CHD6: variants seen among roughly 807,000 people sequenced by gnomAD.
CHD6 encodes ATP-dependent chromatin remodeler CHD6.
CHD6 carries 50 observed loss-of-function variants against 276.9 expected under a neutral mutation model. The observed-to-expected ratio is 0.18, with a 90% CI of 0.14 to 0.23. The LOEUF (loss-of-function observed/expected upper bound fraction) is 0.23. Ranked by LOEUF, CHD6 falls within the 10% of genes least tolerant of loss-of-function variation. CHD6 has a pLI of 1.00. For missense variants in CHD6, 2,564 were observed against 3,365.8 expected (o/e 0.76, Z 5.89); for synonymous variants, 1,173 against 1,229.3 (o/e 0.95, Z 0.96).
At chr20:41,617,231 C>G (rs2045941811) in intron 1 of CHD6, among the ~76,000 whole-genome samples, 2 of 152,080 alleles carry the variant, frequency 1.3e-5, no homozygotes, top group Admixed American at 1.3e-4. Flanking sequence ...TCACCAGAAA[C>G]CTTGGCCAGA....
chr20:41,594,302 G>A (rs1472896552), intron 1 of CHD6, among the ~76,000 whole-genome samples: 2 of 152,200 alleles, frequency 1.3e-5, no homozygotes, highest in African/African-American at 4.8e-5. Context: ...TAAGATGGAA[G>A]TCAAACTTAT....
chr20:41,617,790 G>A (rs1186102767), intron 1 of CHD6, among the ~76,000 whole-genome samples: 7 of 150,208 alleles, frequency 4.7e-5, no homozygotes, highest in Admixed American at 4.7e-4. Context: ...GCCCCCTCCC[G>A]GAACAGCAGC....
At chr20:41,582,208 T>G (rs896789826) in intron 1 of CHD6, among the ~76,000 whole-genome samples, 1 of 152,136 alleles carries the variant, frequency 6.6e-6, no homozygotes, top group Non-Finnish European at 1.5e-5. Context: ...AAACACTACC[T>G]GCTTTTAAGA....
intron 3 of CHD6, among the ~76,000 whole-genome samples, chr20:41,515,227 G>A (rs527799739): frequency 1.3e-5 from 2 of 152,116 alleles, no homozygotes; most frequent in Admixed American, 1.3e-4. Context: ...TTCACTTTCA[G>A]TTTATACAAA....
chr20:41,493,209 A>G (rs939857413), intron 10 of CHD6, among the ~76,000 whole-genome samples: 2 of 152,214 alleles, frequency 1.3e-5, no homozygotes, highest in Admixed American at 6.5e-5. Context: ...CAGGAAAGAT[A>G]CTACTGAGCT....
chr20:41,501,250 TA>T (rs1293709750), intron 5 of CHD6, among the ~76,000 whole-genome samples: 3 of 152,232 alleles, frequency 2.0e-5, no homozygotes, highest in African/African-American at 7.2e-5. Context: ...TCAGGCATGC[TA>T]ACAAAATGCT....
chr20:41,492,238 T>C (rs1216519697), intron 10 of CHD6, among the ~76,000 whole-genome samples: 1 of 152,216 alleles, frequency 6.6e-6, no homozygotes, highest in Non-Finnish European at 1.5e-5. Flanking sequence ...AAATGCTTAA[T>C]AGATGACTGA....
At chr20:41,458,244 T>A (rs952096715) in intron 17 of CHD6, among the ~76,000 whole-genome samples, 3 of 152,236 alleles carry the variant, frequency 2.0e-5, no homozygotes, top group African/African-American at 7.2e-5. Flanking sequence ...ACAGTTCATA[T>A]AGGAGGGACA....
At chr20:41,437,384 CCA>C (rs1161942368) in intron 26 of CHD6, 50 bp from the exon 27 acceptor site, 2 of 1,376,878 alleles carry the variant, frequency 1.5e-6, no homozygotes, top group South Asian at 1.2e-5. Context: ...TCCCCCTTAT[CCA>C]CAGTTTCAGT....
intron 1 of CHD6, among the ~76,000 whole-genome samples, chr20:41,600,099 T>G (rs544660911): frequency 6.6e-6 from 1 of 152,236 alleles, no homozygotes. Flanking sequence ...CGAGCACTTG[T>G]CTGTAACATT....
chr20:41,488,863 G>A (rs896177463), intron 12 of CHD6, among the ~76,000 whole-genome samples: 14 of 152,236 alleles, frequency 9.2e-5, no homozygotes, highest in African/African-American at 3.4e-4. Context: ...GGAAGGCACA[G>A]CAAGGGAGCA....
At chr20:41,544,634 CAT>C (rs992438615) in intron 2 of CHD6, among the ~76,000 whole-genome samples, 4 of 150,478 alleles carry the variant, frequency 2.7e-5, no homozygotes, top group East Asian at 1.9e-4. Context: ...TTAATATTAA[CAT>C]ATAATTAATC....
chr20:41,606,821 G>A (rs1297650871), intron 1 of CHD6, among the ~76,000 whole-genome samples: 3 of 152,120 alleles, frequency 2.0e-5, no homozygotes, highest in Non-Finnish European at 4.4e-5. Context: ...CAATATCTGG[G>A]CCTCTCCTTC....
At chr20:41,477,110 A>G (rs1347351140) in intron 16 of CHD6, among the ~76,000 whole-genome samples, 2 of 152,144 alleles carry the variant, frequency 1.3e-5, no homozygotes, top group Non-Finnish European at 2.9e-5. Flanking sequence ...ATGGTGGCCA[A>G]TGTGCCTATC....
At chr20:41,454,469 G>A (rs1332311535) in intron 20 of CHD6, among the ~76,000 whole-genome samples, 157 bp downstream of exon 20, 1 of 152,176 alleles carries the variant, frequency 6.6e-6, no homozygotes, top group African/African-American at 2.4e-5. Flanking sequence ...AAGATTTATT[G>A]AGTGATGTCT....
Position 41,483,368 on chromosome 20 carries a change from G to A in CHD6, c.2409C>T (p.Leu803=). The part of the protein sequence containing the change: ...PKLIAGGHKV[L]IFSQMVRCLD... ...GGCAGCGCACCATCTGGGAGAAGATGAGTACTTTGTGGCCACCTGCAATCA... is the reference window on the plus strand; with the variant it reads ...GGCAGCGCACCATCTGGGAGAAGATAAGTACTTTGTGGCCACCTGCAATCA... Residue 803 remains leucine (L), a synonymous_variant, in exon 16 of 37, where the codon CTC becomes CTT. Transcript: ENST00000373233. 6.2e-7 allele frequency: 1 copy of A among 1,613,830 alleles called. No homozygotes were observed. Among genetic ancestry groups the A allele is most frequent in the Non-Finnish European group, 8.5e-7 (1 of 1,179,832 alleles).
chr20:41,495,286 A>G (rs1490561035), intron 8 of CHD6, among the ~76,000 whole-genome samples: 1 of 152,250 alleles, frequency 6.6e-6, no homozygotes, highest in African/African-American at 2.4e-5. Flanking sequence ...TTTAAAAAAG[A>G]AAGAAATCCC....
chr20:41,498,815 G>GTA lies in CHD6; in HGVS notation c.915+479_915+480insTA, dbSNP rs1568647110. 2.6e-4 allele frequency among the ~76,000 whole-genome samples: 18 copies of GTA among 70,518 alleles called. No homozygotes were observed. In the East Asian group the frequency reaches 6.0e-3, roughly 23 times the overall value. The allele number at this position is 70,518 out of a possible 152,430, so 46.3% of individuals were successfully genotyped here. A position where few individuals can be genotyped will look rare whatever the true frequency, so the allele number is the denominator to read the frequency against. The stretch of plus-strand genomic sequence containing the variant: ...TATGTATGTATGTATGTATGTATGT[G>GTA]TGTGTGTGTGTGTGTGTGTGTGTGT... On this transcript the variant is annotated intron_variant, in intron 6 of 36. Coordinates refer to ENST00000373233, the MANE Select transcript of CHD6 (RefSeq NM_032221.5).
chr20:41,615,207 A>G (rs1454703357), intron 1 of CHD6, among the ~76,000 whole-genome samples: 1 of 152,232 alleles, frequency 6.6e-6, no homozygotes, highest in Non-Finnish European at 1.5e-5. Context: ...GCTGCAGCCC[A>G]GTCTCACGAA....
Sources: gnomAD v4.1 joint callset for allele counts (sites outside exome capture counted in the v4.1 genomes callset) on GRCh38, gnomAD v4.1.1 for gene constraint, MANE v1.5 for transcripts, NCBI Gene and HGNC (gene_info 2026-07-23, HGNC 2026-07-21) for gene names.